Variants in CD3E observed in about 807,000 individuals in gnomAD.
CD3E encodes the protein CD3 epsilon subunit of T-cell receptor complex.
Under a neutral mutation model 34.7 loss-of-function variants are expected in CD3E, and 16 were observed. That is an observed-to-expected ratio of 0.46 (90% CI 0.31 to 0.70). The LOEUF is 0.70. Ranked by LOEUF, CD3E falls within the 30% of genes least tolerant of loss-of-function variation. The probability of loss-of-function intolerance (pLI) is 0.05; values close to 1 mark genes in which losing one functional copy is unlikely to be tolerated. For missense variants in CD3E, 223 were observed against 253.9 expected (o/e 0.88, Z 0.83); for synonymous variants, 70 against 90.8 (o/e 0.77, Z 1.30).
intron 2 of CD3E, among the ~76,000 whole-genome samples, chr11:118,305,609 T>C (rs1043070765): frequency 2.6e-5 from 4 of 152,220 alleles, no homozygotes; most frequent in Admixed American, 2.6e-4. Context: ...TATTTAGACG[T>C]GTTAACTGGT....
Position 118,315,587 on chromosome 11 carries a change from AG to A in CD3E, c.*46del. On this transcript the variant is annotated 3_prime_UTR_variant, in exon 9 of 9. Transcript: ENST00000361763. ...TCCCGCTGGCCCAGGTCTCCTCTCC[AG>A]TCCCCCTGCGACTCCCTGTTTCCTG... The A allele has an allele frequency of 6.7e-7, 1 of 1,490,282 alleles. No homozygotes were observed. The highest frequency in any genetic ancestry group is 1.4e-5 in the African/African-American group (1 of 72,036). The allele number at this position is 1,490,282 out of a possible 1,614,324, so 92.3% of individuals were successfully genotyped here.
intron 2 of CD3E, among the ~76,000 whole-genome samples, chr11:118,306,966 G>A (rs1948110505): frequency 6.6e-6 from 1 of 152,186 alleles, no homozygotes. Context: ...AGGCTTGGGG[G>A]CAAAATTCTT....
In CD3E at chr11:118,313,758, T is replaced by C; in HGVS notation, c.404T>C (p.Ile135Thr). ...GTGATGTCGGTGGCCACAATTGTCA[T>C]AGTGGACATCTGCATCACTGGGGGC... ...MDVMSVATIVIVDICITGGLL... is the reference protein window; with the variant it reads ...MDVMSVATIVTVDICITGGLL... Residue 135 changes from isoleucine (I) to threonine (T), a missense_variant, in exon 7 of 9, where the codon ATA becomes ACA. Physicochemically the swap from Ile to Thr is moderately conservative, Grantham distance 89. Transcript: ENST00000361763. 1 of 1,614,102 alleles carries C rather than the reference T, an allele frequency of 6.2e-7. No individual in the cohort carries two copies. Among genetic ancestry groups the C allele is most frequent in the Non-Finnish European group, 8.5e-7 (1 of 1,179,980 alleles).
intron 4 of CD3E, 58 bp downstream of exon 4, chr11:118,308,499 T>C: frequency 9.2e-7 from 1 of 1,082,666 alleles, no homozygotes; most frequent in Non-Finnish European, 1.4e-6. Context: ...GAAATGCTCA[T>C]AGAGTACAAT....
chr11:118,306,508 T>C (rs999650213), intron 2 of CD3E, among the ~76,000 whole-genome samples: 1 of 150,018 alleles, frequency 6.7e-6, no homozygotes, highest in African/African-American at 2.5e-5. Flanking sequence ...AATAAATAAA[T>C]AAATAAATAA....
intron 5 of CD3E, 142 bp from the exon 6 acceptor site, chr11:118,312,476 C>A: frequency 1.0e-6 from 1 of 958,944 alleles, no homozygotes; most frequent in South Asian, 1.4e-5. Flanking sequence ...CACCCTCTAG[C>A]CAGTAGAGCT....
chr11:118,310,334 T>TCC (rs1591268205), intron 4 of CD3E, among the ~76,000 whole-genome samples: 1 of 152,206 alleles, frequency 6.6e-6, no homozygotes, highest in African/African-American at 2.4e-5. Flanking sequence ...GTTCATGTGT[T>TCC]CTCATCATTT....
At chr11:118,314,348 A>T in intron 7 of CD3E, 100 bp from the exon 8 acceptor site, 1 of 952,798 alleles carries the variant, frequency 1.0e-6, no homozygotes, top group Non-Finnish European at 1.7e-6. Flanking sequence ...GGAGAGAACA[A>T]TGGGGTTTGC....
chr11:118,307,249 A>C (rs1412332787), intron 2 of CD3E, 39 bp from the exon 3 acceptor site: 9 of 1,563,156 alleles, frequency 5.8e-6, no homozygotes, highest in Non-Finnish European at 7.9e-6. Context: ...GGTACCCACA[A>C]CATTTACTAA....
intron 6 of CD3E, chr11:118,313,139 A>T: frequency 2.0e-6 from 1 of 493,538 alleles, no homozygotes; most frequent in Non-Finnish European, 3.7e-6. Context: ...TTTGCACCGC[A>T]TCACACCCAG....
chr11:118,310,915 T>C (rs1223151054), intron 4 of CD3E, among the ~76,000 whole-genome samples: 1 of 152,198 alleles, frequency 6.6e-6, no homozygotes, highest in African/African-American at 2.4e-5. Flanking sequence ...GCAGTCTTTG[T>C]CAGAGGGCTG....
intron 7 of CD3E, among the ~76,000 whole-genome samples, 156 bp from the exon 8 acceptor site, chr11:118,314,292 G>GA (rs200896472): frequency 0.01 from 1,537 of 150,404 alleles, 16 homozygotes; most frequent in Middle Eastern, 0.017. Flanking sequence ...ATGAATGAAA[G>GA]AAAAAAAAAG....
chr11:118,310,448 C>T (rs1429010071), intron 4 of CD3E, among the ~76,000 whole-genome samples: 4 of 152,178 alleles, frequency 2.6e-5, no homozygotes, highest in Admixed American at 6.5e-5. Flanking sequence ...CTGCAAAGGA[C>T]GTGATCTCAT....
chr11:118,312,350 C>A, intron 5 of CD3E, 180 bp downstream of exon 5: 1 of 764,346 alleles, frequency 1.3e-6, no homozygotes, highest in Non-Finnish European at 2.3e-6. Context: ...TTACATCCAT[C>A]TTACCCTTCC....
At chr11:118,309,088 G>A (rs1431258316) in intron 4 of CD3E, among the ~76,000 whole-genome samples, 2 of 152,168 alleles carry the variant, frequency 1.3e-5, no homozygotes, top group Non-Finnish European at 2.9e-5. Flanking sequence ...GAGTCTAACT[G>A]AGCTAGATCA....
Position 118,312,674 on chromosome 11 carries a change from G to C in CD3E, c.160G>C (p.Gly54Arg). ...AATATTGACATGCCCTCAGTATCCT[G>C]GATCTGAAATACTATGGCAACACAA... ...TVILTCPQYP[G>R]SEILWQHNDK... Residue 54 changes from glycine (G) to arginine (R), a missense_variant, in exon 6 of 9, where the codon GGA becomes CGA. Physicochemically the swap from Gly to Arg is moderately radical, Grantham distance 125 (BLOSUM62 -2). Transcript: ENST00000361763. The C allele has an allele frequency of 6.2e-7, 1 of 1,614,080 alleles. No homozygotes were observed. The highest frequency in any genetic ancestry group is 8.5e-7 in the Non-Finnish European group (1 of 1,179,968).
In CD3E at chr11:118,307,990, G is replaced by A. The variant is rs541968892; in HGVS notation, c.71-437G>A. Reference sequence around the variant, plus strand: ...TCGAGACCAGCCTGGCCAACATGGCGAAACCCCGTCTCTACTAAAAATACC... The same window carrying A: ...TCGAGACCAGCCTGGCCAACATGGCAAAACCCCGTCTCTACTAAAAATACC... On this transcript the variant is annotated intron_variant, in intron 3 of 8. Coordinates refer to ENST00000361763, the MANE Select transcript of CD3E (RefSeq NM_000733.4). 5.9e-5 allele frequency among the ~76,000 whole-genome samples: 9 copies of A among 152,228 alleles called. No individual in the cohort carries two copies. In the South Asian group the frequency reaches 1.5e-3, roughly 25 times the overall value.
At chr11:118,312,531 C>G in intron 5 of CD3E, 87 bp from the exon 6 acceptor site, 3 of 1,476,706 alleles carry the variant, frequency 2.0e-6, no homozygotes, top group Non-Finnish European at 2.8e-6. Context: ...AGATGACTTC[C>G]TGCATTTGGG....
At chr11:118,313,903 A>G in intron 7 of CD3E, 29 bp downstream of exon 7, 1 of 1,611,198 alleles carries the variant, frequency 6.2e-7, no homozygotes, top group Non-Finnish European at 8.5e-7. Context: ...GTCAGAGGAG[A>G]TTCCTGCCAA....
Sources: allele counts gnomAD v4.1 joint callset (sites outside exome capture counted in the v4.1 genomes callset), GRCh38; gene constraint gnomAD v4.1.1; transcripts MANE v1.5; gene names NCBI Gene and HGNC (gene_info 2026-07-23, HGNC 2026-07-21).